PNPLA7: variants seen among roughly 807,000 people sequenced by gnomAD.
PNPLA7 encodes patatin-like phospholipase domain-containing protein 7.
PNPLA7 carries 153 observed loss-of-function variants against 161.7 expected under a neutral mutation model. That is an observed-to-expected ratio of 0.95 (90% CI 0.83 to 1.08). The LOEUF (loss-of-function observed/expected upper bound fraction) is 1.08, where lower values mean the gene tolerates loss of function less well. Among genes scored for constraint, PNPLA7 ranks in the 50% least tolerant of loss-of-function variants. PNPLA7 has a pLI of 0.00. For missense variants in PNPLA7, 1,739 were observed against 1,856.6 expected (o/e 0.94, Z 1.16); for synonymous variants, 809 against 782.1 (o/e 1.03, Z -0.57).
chr9:137,531,360 GT>G (rs1452680811), intron 8 of PNPLA7, among the ~76,000 whole-genome samples: 3 of 152,184 alleles, frequency 2.0e-5, no homozygotes, highest in African/African-American at 7.2e-5. Context: ...GCTTTTGTGT[GT>G]TTTATTTCAA....
At chr9:137,517,157 T>G (rs1834635574) in intron 11 of PNPLA7, among the ~76,000 whole-genome samples, 1 of 141,448 alleles carries the variant, frequency 7.1e-6, no homozygotes, top group Non-Finnish European at 1.5e-5. Flanking sequence ...CACTCCACTC[T>G]GCTCACTCCA....
At position 137,547,528 on chromosome 9, in the gene PNPLA7, G is replaced by C; in HGVS notation, c.105+57C>G. 3.1e-6 allele frequency: 5 copies of C among 1,601,234 alleles called. No individual in the cohort carries two copies. Among genetic ancestry groups the C allele is most frequent in the Non-Finnish European group, 4.3e-6 (5 of 1,169,214 alleles). On this transcript the variant is annotated intron_variant, in intron 2 of 34. Coordinates refer to ENST00000406427, the MANE Select transcript of PNPLA7 (RefSeq NM_001098537.3). This position sits in a 1 kb window ranked among gnomAD's most constrained non-coding sequence, Gnocchi z 4.6. The stretch of plus-strand genomic sequence containing the variant: ...GAGCCAGGGGATGGGGACAGGGAGA[G>C]GTGAAAAAGGCCACGGCCCATCCAG...
At chr9:137,546,397 G>A (rs1836528542) in intron 4 of PNPLA7, among the ~76,000 whole-genome samples, 1 of 151,986 alleles carries the variant, frequency 6.6e-6, no homozygotes, top group Non-Finnish European at 1.5e-5. Context: ...GTGGTCCCCA[G>A]GACCCAGCTG....
chr9:137,495,722 C>T (rs554762298), intron 18 of PNPLA7, among the ~76,000 whole-genome samples: 5 of 152,314 alleles, frequency 3.3e-5, no homozygotes, highest in South Asian at 4.1e-4. Context: ...GGATTACAGG[C>T]GTGAGCCGCC....
intron 18 of PNPLA7, among the ~76,000 whole-genome samples, chr9:137,495,376 G>A (rs1481996531): frequency 6.6e-6 from 1 of 152,184 alleles, no homozygotes; most frequent in Non-Finnish European, 1.5e-5. Flanking sequence ...CACAGGCATT[G>A]GACACCACAG....
chr9:137,501,895 C>T (rs1045439342), intron 14 of PNPLA7, among the ~76,000 whole-genome samples, 168 bp from the exon 15 acceptor site: 2 of 152,256 alleles, frequency 1.3e-5, no homozygotes, highest in Non-Finnish European at 2.9e-5. Context: ...ACACTGGGCA[C>T]CCTGCAGAGC....
Position 137,522,722 on chromosome 9 carries a change from G to T in PNPLA7, c.876+7C>A, listed in dbSNP as rs773590878. The T allele has an allele frequency of 1.2e-6, 2 of 1,613,184 alleles. No homozygotes were observed. Among genetic ancestry groups the T allele is most frequent in the East Asian group, 2.2e-5 (1 of 44,876 alleles). On this transcript the variant is annotated splice_region_variant and intron_variant, in intron 9 of 34. Transcript: ENST00000406427. ...AGCTAGAAGAGTTGTCTGAAAAAGTGACTCACCTGCACCACCCTCACCAGA... is the reference window on the plus strand; with the variant it reads ...AGCTAGAAGAGTTGTCTGAAAAAGTTACTCACCTGCACCACCCTCACCAGA...
intron 8 of PNPLA7, among the ~76,000 whole-genome samples, chr9:137,530,847 T>C (rs1297853126): frequency 5.3e-5 from 8 of 152,168 alleles, no homozygotes; most frequent in Admixed American, 3.9e-4. Context: ...AGAATTCCAA[T>C]GTACCTTCCT....
intron 8 of PNPLA7, among the ~76,000 whole-genome samples, chr9:137,535,523 G>A (rs1007481729): frequency 4.4e-4 from 67 of 152,166 alleles, no homozygotes; most frequent in Non-Finnish European, 1.2e-4. Flanking sequence ...GGGAGGCCGA[G>A]GCAGGCGGAT....
At chr9:137,466,495 C>T (rs1044760233) in intron 26 of PNPLA7, among the ~76,000 whole-genome samples, 1 of 150,898 alleles carries the variant, frequency 6.6e-6, no homozygotes, top group Non-Finnish European at 1.5e-5. Context: ...ACCACCACCT[C>T]GACCATCTAA....
At chr9:137,508,954 G>C (rs1288727259) in intron 12 of PNPLA7, 1 of 152,262 alleles carries the variant, frequency 6.6e-6, no homozygotes, top group Non-Finnish European at 1.5e-5. Context: ...CGGCCTCACA[G>C]TTCATCAAGA....
intron 8 of PNPLA7, among the ~76,000 whole-genome samples, chr9:137,527,947 T>G (rs1274362225): frequency 6.6e-6 from 1 of 152,270 alleles, no homozygotes; most frequent in Non-Finnish European, 1.5e-5. Flanking sequence ...GCCATTCAGA[T>G]AATCTATATC....
At chr9:137,506,225 A>G (rs1304314553) in intron 12 of PNPLA7, 142 bp from the exon 13 acceptor site, 3 of 637,562 alleles carry the variant, frequency 4.7e-6, no homozygotes, top group Non-Finnish European at 8.3e-6. Context: ...AGATCCCTCC[A>G]CACCCTGCTT....
chr9:137,550,075 C>T (rs1400996418), intron 1 of PNPLA7, 93 bp downstream of exon 1: 55 of 1,499,580 alleles, frequency 3.7e-5, no homozygotes, highest in South Asian at 2.6e-4. Context: ...GGCCAAAGAG[C>T]GCGGCAGAGC....
At position 137,542,670 on chromosome 9, in the gene PNPLA7, C is replaced by T. The variant is rs1228283656; in HGVS notation, c.638G>A (p.Gly213Glu). 6.2e-7 allele frequency: 1 copy of T among 1,611,320 alleles called. No individual in the cohort carries two copies. The highest frequency in any genetic ancestry group is 8.5e-7 in the Non-Finnish European group (1 of 1,178,956). The change falls in exon 7 of 35, where the codon GGG (glycine) becomes GAG (glutamate). Residue 213 changes from glycine to glutamate, a missense_variant. Around this residue, in one of 6 missense-constraint regions of PNPLA7, gnomAD observed 152 missense variants for 193.5 expected, o/e 0.79. Coordinates refer to ENST00000406427, the MANE Select transcript of PNPLA7 (RefSeq NM_001098537.3). Reference sequence around the variant, plus strand: ...GTCCTGGATGCAGACCTCCAGCCGCCCGTCCTGCACCACACAGATGCTGGG... The same window carrying T: ...GTCCTGGATGCAGACCTCCAGCCGCTCGTCCTGCACCACACAGATGCTGGG... Reference protein sequence around the residue: ...PDPSICVVQDGRLEVCIQDTD... With the variant: ...PDPSICVVQDERLEVCIQDTD...
intron 7 of PNPLA7, 140 bp downstream of exon 7, chr9:137,542,502 A>G (rs1836258787): frequency 1.0e-6 from 1 of 1,002,668 alleles, no homozygotes; most frequent in African/African-American, 1.6e-5. Flanking sequence ...TAAAAAATAA[A>G]AACGGTGAGT....
At chr9:137,498,570 T>A (rs7857485) in intron 16 of PNPLA7, among the ~76,000 whole-genome samples, 1 of 152,202 alleles carries the variant, frequency 6.6e-6, no homozygotes, top group African/African-American at 2.4e-5. Flanking sequence ...AGGAGCTGCA[T>A]AATGCACACT....
Position 137,501,729 on chromosome 9 carries a change from TA to T in PNPLA7, c.1474-3del. On this transcript the variant is annotated splice_polypyrimidine_tract_variant and splice_region_variant and intron_variant, in intron 14 of 34. Transcript: ENST00000406427. ...CCGGCCATCCAACAGAGATGAGTCC[TA>T]AAAACAGAGCAGACTTCAGGGAACA... 1 of 1,612,272 alleles carries T rather than the reference TA, an allele frequency of 6.2e-7. No individual in the cohort carries two copies. The highest frequency in any genetic ancestry group is 1.7e-4 in the Middle Eastern group (1 of 6,058).
chr9:137,479,564 T>C (rs1430780428), intron 23 of PNPLA7: 3 of 1,068,046 alleles, frequency 2.8e-6, no homozygotes, highest in East Asian at 6.4e-5. Flanking sequence ...CAAGGGAGCA[T>C]CACTAGCTGC....
Sources: allele counts gnomAD v4.1 joint callset (sites outside exome capture counted in the v4.1 genomes callset), GRCh38; gene constraint gnomAD v4.1.1; regional missense constraint gnomAD v4.1.1; non-coding constraint Gnocchi (gnomAD v3.1); transcripts MANE v1.5; gene names NCBI Gene and HGNC (gene_info 2026-07-23, HGNC 2026-07-21).